SYNJ1: variants seen among roughly 807,000 people sequenced by gnomAD.
The protein encoded by SYNJ1 is polyphosphatidylinositol phosphatase SYNJ1.
SYNJ1 carries 78 observed loss-of-function variants against 168.2 expected under a neutral mutation model. The ratio of observed to expected loss-of-function variants is 0.46; its 90% CI spans 0.39 to 0.56. The LOEUF is 0.56. Ranked by LOEUF, SYNJ1 falls within the 20% of genes least tolerant of loss-of-function variation. The probability of loss-of-function intolerance (pLI) is 0.00; values close to 1 mark genes in which losing one functional copy is unlikely to be tolerated. For synonymous variants in SYNJ1, 539 were observed against 548.6 expected (o/e 0.98, Z 0.24); for missense variants, 1,303 against 1,597.6 (o/e 0.82, Z 3.14).
intron 31 of SYNJ1, among the ~76,000 whole-genome samples, chr21:32,637,850 C>T (rs1408201894): frequency 6.6e-6 from 1 of 152,214 alleles, no homozygotes; most frequent in Non-Finnish European, 1.5e-5. Flanking sequence ...TAACTGCTAA[C>T]TTTATTCATA....
chr21:32,636,802 A>G (rs1348194606), intron 31 of SYNJ1, among the ~76,000 whole-genome samples: 1 of 152,086 alleles, frequency 6.6e-6, no homozygotes, highest in East Asian at 1.9e-4. Flanking sequence ...ACCCTCCAAG[A>G]AAGAAAAGTG....
upstream of SYNJ1, chr21:32,728,318 T>TG: frequency 2.5e-6 from 1 of 393,734 alleles, no homozygotes; most frequent in Non-Finnish European, 4.6e-6. Flanking sequence ...GAGAAAAGCT[T>TG]GGGGGGCTGC....
chr21:32,660,650 C>A (rs1423870744), intron 18 of SYNJ1, among the ~76,000 whole-genome samples: 1 of 152,268 alleles, frequency 6.6e-6, no homozygotes, highest in Non-Finnish European at 1.5e-5. Flanking sequence ...AAACCATTGC[C>A]ACAGGGCACT....
At chr21:32,672,421 C>A (rs781224364) in intron 14 of SYNJ1, among the ~76,000 whole-genome samples, 2 of 151,840 alleles carry the variant, frequency 1.3e-5, no homozygotes, top group East Asian at 3.9e-4. Context: ...CTCACTGCAA[C>A]CTCTACCTCC....
chr21:32,692,097 T>C (rs1250406266), intron 6 of SYNJ1, among the ~76,000 whole-genome samples: 1 of 152,176 alleles, frequency 6.6e-6, no homozygotes, highest in Non-Finnish European at 1.5e-5. Flanking sequence ...GAAGAAATTA[T>C]GAAAACCTTA....
chr21:32,710,627 C>T (rs965203249), intron 2 of SYNJ1, among the ~76,000 whole-genome samples: 67 of 151,944 alleles, frequency 4.4e-4, no homozygotes, highest in African/African-American at 1.5e-3. Context: ...TGGGCTCAAG[C>T]GATTCTCCCG....
chr21:32,654,862 T>C lies in SYNJ1; in HGVS notation c.2796-1496A>G, dbSNP rs189734594. ...TTTAAAAATAAAGGGGTTCACAGGG[T>C]TTACTCACTCCTTAATGGCTGTCTT... is the stretch of plus-strand genomic sequence containing the variant. On this transcript the variant is annotated intron_variant, in intron 21 of 32. Coordinates refer to ENST00000674351, the MANE Select transcript of SYNJ1 (RefSeq NM_203446.3). 2.6e-5 allele frequency among the ~76,000 whole-genome samples: 4 copies of C among 152,252 alleles called. No homozygotes were observed. In the East Asian group the frequency reaches 7.7e-4, roughly 29 times the overall value.
chr21:32,677,259 A>T (rs537869169), intron 12 of SYNJ1, among the ~76,000 whole-genome samples: 14 of 152,216 alleles, frequency 9.2e-5, no homozygotes, highest in African/African-American at 3.4e-4. Flanking sequence ...TGCTGGGTGC[A>T]CTTTTCTGCA....
chr21:32,728,100 A>T, upstream of SYNJ1: 1 of 1,498,204 alleles, frequency 6.7e-7, no homozygotes, highest in East Asian at 2.6e-5. Context: ...GGGCATCAGG[A>T]GGGAGACCAC....
intron 2 of SYNJ1, among the ~76,000 whole-genome samples, chr21:32,713,139 CATGG>C (rs1328738500): frequency 6.6e-6 from 1 of 152,154 alleles, no homozygotes; most frequent in Non-Finnish European, 1.5e-5. Flanking sequence ...CATATGTCAA[CATGG>C]ATGATTTCCC....
Position 32,688,367 on chromosome 21 carries a change from C to A in SYNJ1, c.790G>T (p.Val264Leu). The A allele has an allele frequency of 1.2e-6, 2 of 1,612,504 alleles. No homozygotes were observed. Among genetic ancestry groups the A allele is most frequent in the Non-Finnish European group, 1.7e-6 (2 of 1,179,424 alleles). Residue 264 changes from valine to leucine, a missense_variant and splice_region_variant, in exon 7 of 33, where the codon GTG (valine) becomes TTG (leucine). This residue lies in a region of SYNJ1 where 920 missense variants were observed against 1,208.8 expected (regional missense o/e 0.76). Transcript: ENST00000674351. Reference protein sequence around the residue: ...PLFWEQPGLQVGSHRVRMSRG... With the variant: ...PLFWEQPGLQLGSHRVRMSRG... The stretch of plus-strand genomic sequence containing the variant: ...GACATACGGACACGATGAGATCCCA[C>A]CTTAGACAAGAAAAATATATTTAAT...
rs11909830 is a variant in SYNJ1, at chr21:32,727,446, A to G, written c.-23+500T>C. Among the ~76,000 whole-genome samples the G allele has an allele frequency of 4.1e-3, 627 of 152,262 alleles. 5 individuals carry two copies. The highest frequency in any genetic ancestry group is 0.014 in the African/African-American group (598 of 41,554). On this transcript the variant is annotated intron_variant, in intron 1 of 32. Coordinates refer to ENST00000674351, the MANE Select transcript of SYNJ1 (RefSeq NM_203446.3). Reference sequence around the variant, plus strand: ...CGGGGGTGGCGATGAAGGGCAAGGGAAAAGGCACAGGTTACCGCCGCCTCT... The same window carrying G: ...CGGGGGTGGCGATGAAGGGCAAGGGGAAAGGCACAGGTTACCGCCGCCTCT...
At chr21:32,727,564 C>T (rs1185019580) in intron 1 of SYNJ1, among the ~76,000 whole-genome samples, 3 of 152,126 alleles carry the variant, frequency 2.0e-5, no homozygotes, top group Non-Finnish European at 4.4e-5. Context: ...GGGGCACCGA[C>T]CCGACTGGGG....
intron 2 of SYNJ1, among the ~76,000 whole-genome samples, chr21:32,719,544 T>G (rs1039810236): frequency 1.3e-5 from 2 of 151,854 alleles, no homozygotes; most frequent in South Asian, 4.2e-4. Context: ...TGAAACCCCG[T>G]CTCTACTAAA....
Position 32,653,382 on chromosome 21 carries a change from T to C in SYNJ1, c.2796-16A>G. ...TTCTACAAATCTTTAAGAAAAACAA[T>C]AAAAAACCATAATTAATACCATAGA... is the stretch of plus-strand genomic sequence containing the variant. On this transcript the variant is annotated splice_polypyrimidine_tract_variant and intron_variant, in intron 21 of 32. Coordinates refer to ENST00000674351, the MANE Select transcript of SYNJ1 (RefSeq NM_203446.3). The C allele has an allele frequency of 6.4e-7, 1 of 1,571,342 alleles. No individual in the cohort carries two copies. The highest frequency in any genetic ancestry group is 8.8e-7 in the Non-Finnish European group (1 of 1,141,732).
rs111282257 is a variant in SYNJ1 at position 32,685,393 on chromosome 21, C to T, written c.1118+355G>A. Among the ~76,000 whole-genome samples, 10 of 141,808 alleles carry T rather than the reference C, an allele frequency of 7.1e-5. 1 individual carries two copies. Among genetic ancestry groups the T allele is most frequent in the African/African-American group, 2.7e-4 (10 of 37,060 alleles). The allele number at this position is 141,808 out of a possible 152,430, so 93.0% of individuals were successfully genotyped here. A position where few individuals can be genotyped will look rare whatever the true frequency, so the allele number is the denominator to read the frequency against. ...CTTGAGCCCAGGAGTTTGAGCCCAG[C>T]CAGGGCAATACAGGGAGACCCCCGT... On this transcript the variant is annotated intron_variant, in intron 9 of 32. Transcript: ENST00000674351.
chr21:32,686,287 A>G (rs555705496), intron 8 of SYNJ1, among the ~76,000 whole-genome samples: 2 of 152,320 alleles, frequency 1.3e-5, no homozygotes, highest in South Asian at 2.1e-4. Flanking sequence ...TCACTCTGTA[A>G]AGTATAATCT....
chr21:32,721,144 T>A (rs900131760), intron 2 of SYNJ1, among the ~76,000 whole-genome samples: 1 of 152,264 alleles, frequency 6.6e-6, no homozygotes, highest in Non-Finnish European at 1.5e-5. Context: ...AACTGGTAGA[T>A]GCAGCAAACT....
rs117470606 is a variant in SYNJ1, at chr21:32,674,320, A to G, written c.1535-789T>C. On this transcript the variant is annotated intron_variant, in intron 13 of 32. Coordinates refer to ENST00000674351, the MANE Select transcript of SYNJ1 (RefSeq NM_203446.3). ...CACATCCTTCAAGTCTTTACTTTCC[A>G]ATGAGGCCTTCTCTGACCACTTTAT... 1.4e-3 allele frequency among the ~76,000 whole-genome samples: 209 copies of G among 152,300 alleles called. 5 individuals carry two copies. The East Asian group carries it at 0.015, about 11-fold the overall frequency.
Sources: gnomAD v4.1 joint callset for allele counts (sites outside exome capture counted in the v4.1 genomes callset) on GRCh38, gnomAD v4.1.1 for gene constraint, gnomAD v4.1.1 regional missense constraint, MANE v1.5 for transcripts, NCBI Gene and HGNC (gene_info 2026-07-23, HGNC 2026-07-21) for gene names.